RESF1: variants seen among roughly 807,000 people sequenced by gnomAD.
RESF1 encodes gonad expressed transcript.
A neutral mutation model predicts 134.7 loss-of-function variants in RESF1; 65 were observed. That is an observed-to-expected ratio of 0.48 (90% CI 0.40 to 0.59). RESF1 has a LOEUF of 0.59. RESF1 is among the 20% of genes least tolerant of loss of function. RESF1 has a pLI of 0.00. For missense variants in RESF1, 2,274 were observed against 2,002.7 expected, an observed-to-expected ratio of 1.14 and a Z score of -2.59; for synonymous variants, 762 against 702.2, an observed-to-expected ratio of 1.09 and a Z score of -1.35.
intron 3 of RESF1, among the ~76,000 whole-genome samples, chr12:31,978,861 GC>G (rs1375470723): frequency 6.6e-6 from 1 of 150,516 alleles, no homozygotes; most frequent in Non-Finnish European, 1.5e-5. Context: ...GAGGCACTGT[GC>G]CCGGCAGTAT....
At chr12:31,967,652 G>A (rs1263212208) in intron 2 of RESF1, among the ~76,000 whole-genome samples, 2 of 25,122 alleles carry the variant, frequency 8.0e-5, no homozygotes, top group East Asian at 9.9e-4. Context: ...GCCTGCCTCC[G>A]CAGGGGGGAT....
At position 31,982,449 on chromosome 12, in the gene RESF1, C is replaced by T. The variant is rs528187053; in HGVS notation, c.1494C>T (p.Asn498=). 3 of 1,613,842 alleles carry T rather than the reference C, an allele frequency of 1.9e-6. No homozygotes were observed. Among genetic ancestry groups the T allele is most frequent in the Admixed American group, 1.7e-5 (1 of 60,026 alleles). ...AGGAAGTCAATTGCAGAAGGTTTAA[C>T]CAAGTTGATTCTGTTTTACCAAATC... is the stretch of plus-strand genomic sequence containing the variant. The part of the protein sequence containing the change: ...DIQEVNCRRF[N]QVDSVLPNPV... The change falls in exon 4 of 6, where the codon AAC becomes AAT. Residue 498 remains asparagine (N), a synonymous_variant. Coordinates refer to ENST00000312561, the MANE Select transcript of RESF1 (RefSeq NM_018169.4).
At chr12:31,971,722 C>T (rs1023522186) in intron 3 of RESF1, among the ~76,000 whole-genome samples, 1 of 152,124 alleles carries the variant, frequency 6.6e-6, no homozygotes, top group Admixed American at 6.6e-5. Context: ...TGGCTGACAT[C>T]CCCTAGTTTC....
At chr12:31,975,260 A>G (rs1201444625) in intron 3 of RESF1, among the ~76,000 whole-genome samples, 1 of 152,098 alleles carries the variant, frequency 6.6e-6, no homozygotes, top group East Asian at 1.9e-4. Context: ...GCGAGACTCC[A>G]TCTGAAAAAA....
At position 31,985,238 on chromosome 12, in the gene RESF1, C is replaced by G. The variant is rs1939938054; in HGVS notation, c.4283C>G (p.Thr1428Ser). The G allele has an allele frequency of 6.2e-7, 1 of 1,601,536 alleles. No individual in the cohort carries two copies. The highest frequency in any genetic ancestry group is 1.1e-5 in the South Asian group (1 of 88,018). Residue 1428 changes from threonine to serine, a missense_variant, in exon 4 of 6, where the codon ACT (threonine) becomes AGT (serine). By Grantham distance (58) the Thr-to-Ser change is moderately conservative. Transcript: ENST00000312561. ...GTTAAAGAAAAGATGGTATCAAATACTAAGTCTGTAGACACGAAAGCGAGT... is the reference window on the plus strand; with the variant it reads ...GTTAAAGAAAAGATGGTATCAAATAGTAAGTCTGTAGACACGAAAGCGAGT... ...AIVKEKMVSN[T>S]KSVDTKASSS...
chr12:31,969,292 C>G (rs1320675763), intron 2 of RESF1, among the ~76,000 whole-genome samples: 6 of 152,074 alleles, frequency 3.9e-5, no homozygotes, highest in African/African-American at 1.4e-4. Flanking sequence ...TGGCTTGAGC[C>G]TCAGGAGTTC....
At position 31,980,896 on chromosome 12, in the gene RESF1, A is replaced by G. The variant is rs1193913027; in HGVS notation, c.-60A>G. The G allele has an allele frequency of 8.1e-7, 1 of 1,240,034 alleles. No homozygotes were observed. Among genetic ancestry groups the G allele is most frequent in the African/African-American group, 1.5e-5 (1 of 66,136 alleles). 76.8% of individuals were successfully genotyped at this position (1,240,034 alleles called of 1,614,324 possible). A position where few individuals can be genotyped will look rare whatever the true frequency, so the allele number is the denominator to read the frequency against. ...CTTACAGATTCCTGACATTCAGACA[A>G]CTGACTTGTAACTGACTTATAACTG... is the stretch of plus-strand genomic sequence containing the variant. On this transcript the variant is annotated 5_prime_UTR_variant, in exon 4 of 6. Transcript: ENST00000312561.
intron 3 of RESF1, among the ~76,000 whole-genome samples, chr12:31,980,556 G>A (rs1485847721): frequency 1.3e-5 from 2 of 151,934 alleles, no homozygotes; most frequent in African/African-American, 4.8e-5. Flanking sequence ...TGTCATGTTA[G>A]CTTTTTTAAA....
chr12:31,981,386 C>T lies in RESF1; in HGVS notation c.431C>T (p.Ala144Val). Residue 144 changes from alanine to valine, a missense_variant, in exon 4 of 6, where the codon GCT becomes GTT. Physicochemically the swap from Ala to Val is moderately conservative, Grantham distance 64. Transcript: ENST00000312561. ...ATVSHQTDFGANVPNMPALQS... is the reference protein window; with the variant it reads ...ATVSHQTDFGVNVPNMPALQS... Reference sequence around the variant, plus strand: ...GTATCTCATCAAACTGATTTTGGAGCTAACGTACCCAATATGCCGGCACTA... The same window carrying T: ...GTATCTCATCAAACTGATTTTGGAGTTAACGTACCCAATATGCCGGCACTA... 1 of 1,614,096 alleles carries T rather than the reference C, an allele frequency of 6.2e-7. No individual in the cohort carries two copies. The highest frequency in any genetic ancestry group is 1.1e-5 in the South Asian group (1 of 91,082).
chr12:31,972,803 A>G (rs1169171766), intron 3 of RESF1, among the ~76,000 whole-genome samples: 2 of 152,112 alleles, frequency 1.3e-5, no homozygotes, highest in Non-Finnish European at 2.9e-5. Flanking sequence ...AGTGTGAGAA[A>G]GTTTATTCCT....
chr12:31,981,557 GTATATC>G lies in RESF1; in HGVS notation c.605_610del (p.Ile202_Ser203del). On this transcript the variant is annotated inframe_deletion, in exon 4 of 6. Transcript: ENST00000312561. ...CAACAGGTTGATTGGACACAACAGT[GTATATC>G]TAAGGGACTGACTTACCCAGATTAC... 6.2e-7 allele frequency: 1 copy of G among 1,614,118 alleles called. No individual in the cohort carries two copies. Among genetic ancestry groups the G allele is most frequent in the African/African-American group, 1.3e-5 (1 of 75,046 alleles).
At chr12:31,986,033 A>T (rs899927457) in intron 4 of RESF1, 76 bp downstream of exon 4, 3 of 920,432 alleles carry the variant, frequency 3.3e-6, no homozygotes, top group Admixed American at 9.1e-5. Flanking sequence ...AGCACCTCTC[A>T]TGCTGTCTTG....
In RESF1 at chr12:31,981,947, T is replaced by G; in HGVS notation, c.992T>G (p.Val331Gly). Residue 331 changes from valine (V) to glycine (G), a missense_variant, in exon 4 of 6, where the codon GTC (valine) becomes GGC (glycine). Val to Gly is a moderately radical substitution (Grantham distance 109). Coordinates refer to ENST00000312561, the MANE Select transcript of RESF1 (RefSeq NM_018169.4). ...CAGTGGCAAAACCCTAATGAAAATGTCAGCACAATTGGAAATTTCACTAAC... is the reference window on the plus strand; with the variant it reads ...CAGTGGCAAAACCCTAATGAAAATGGCAGCACAATTGGAAATTTCACTAAC... ...QQQWQNPNEN[V>G]STIGNFTNLK... The G allele has an allele frequency of 1.2e-6, 2 of 1,614,202 alleles. No individual in the cohort carries two copies. The highest frequency in any genetic ancestry group is 8.5e-7 in the Non-Finnish European group (1 of 1,180,032).
chr12:31,984,491 C>T lies in RESF1; in HGVS notation c.3536C>T (p.Ser1179Phe). 6.2e-7 allele frequency: 1 copy of T among 1,610,286 alleles called. No individual in the cohort carries two copies. The highest frequency in any genetic ancestry group is 1.3e-5 in the African/African-American group (1 of 74,908). Residue 1179 changes from serine to phenylalanine, a missense_variant, in exon 4 of 6, where the codon TCC (serine) becomes TTC (phenylalanine). Transcript: ENST00000312561. ...CACTGCTGTGCATTGGGCTGGCTCTCCATGGTTTACGAAGGAGTACCCCAG... is the reference window on the plus strand; with the variant it reads ...CACTGCTGTGCATTGGGCTGGCTCTTCATGGTTTACGAAGGAGTACCCCAG... ...DIHCCALGWL[S>F]MVYEGVPQCQ...
chr12:31,960,744 C>T (rs931881792), intron 1 of RESF1, 33 bp from the exon 2 acceptor site: 1 of 152,122 alleles, frequency 6.6e-6, no homozygotes, highest in South Asian at 2.1e-4. Context: ...AGCATGTGCT[C>T]TTTTATTATA....
chr12:31,987,441 A>C, intron 5 of RESF1, 119 bp downstream of exon 5: 1 of 591,202 alleles, frequency 1.7e-6, no homozygotes, highest in Non-Finnish European at 2.9e-6. Flanking sequence ...TTTTTTTTTC[A>C]GTCATTCAGT....
chr12:31,965,526 G>T lies in RESF1; in HGVS notation c.-247+4655G>T, dbSNP rs139152660. ...TTTAAAATAAGTCTCTGCTTTGGCTGCCTTGCTTGTGTGGTTTGTTCAGTT... is the reference window on the plus strand; with the variant it reads ...TTTAAAATAAGTCTCTGCTTTGGCTTCCTTGCTTGTGTGGTTTGTTCAGTT... On this transcript the variant is annotated intron_variant, in intron 2 of 5. Transcript: ENST00000312561. 3.9e-5 allele frequency among the ~76,000 whole-genome samples: 6 copies of T among 152,284 alleles called. No homozygotes were observed. In the South Asian group the frequency reaches 1.0e-3, roughly 26 times the overall value.
chr12:31,980,023 C>CTCAG (rs928589448), intron 3 of RESF1, among the ~76,000 whole-genome samples: 14 of 151,746 alleles, frequency 9.2e-5, no homozygotes, highest in African/African-American at 3.1e-4. Flanking sequence ...GTAGCATAGA[C>CTCAG]TCAGGTATGT....
chr12:31,992,065 G>A (rs529616249), intron 5 of RESF1, among the ~76,000 whole-genome samples: 2 of 152,224 alleles, frequency 1.3e-5, no homozygotes, highest in East Asian at 3.9e-4. Context: ...CTGTTTAAAA[G>A]ATCACATTCA....
Sources: allele counts gnomAD v4.1 joint callset (sites outside exome capture counted in the v4.1 genomes callset), GRCh38; gene constraint gnomAD v4.1.1; transcripts MANE v1.5; gene names NCBI Gene and HGNC (gene_info 2026-07-23, HGNC 2026-07-21).